The following RNPEP variants were observed in gnomAD, a reference collection of about 807,000 sequenced individuals.
The protein encoded by RNPEP is arginyl aminopeptidase.
RNPEP carries 57 observed loss-of-function variants against 70.1 expected under a neutral mutation model. The observed-to-expected ratio is 0.81, with a 90% confidence interval of 0.66 to 1.01. The LOEUF is 1.01. Among genes scored for constraint, RNPEP ranks in the 50% least tolerant of loss-of-function variants. The probability of loss-of-function intolerance (pLI) is 0.00; values close to 1 mark genes in which losing one functional copy is unlikely to be tolerated. For missense variants in RNPEP, 787 were observed against 852.4 expected (o/e 0.92, Z 0.96); for synonymous variants, 335 against 357.4 (o/e 0.94, Z 0.71).
intron 1 of RNPEP, 113 bp downstream of exon 1, chr1:201,983,226 A>C (rs1683005111): frequency 1.6e-5 from 23 of 1,424,732 alleles, no homozygotes; most frequent in Non-Finnish European, 2.1e-5. Flanking sequence ...ACCCTTCCAG[A>C]GCGTCCCTAG....
intron 3 of RNPEP, among the ~76,000 whole-genome samples, chr1:201,993,141 C>A (rs1398471241): frequency 6.6e-6 from 1 of 152,196 alleles, no homozygotes; most frequent in Non-Finnish European, 1.5e-5. Flanking sequence ...CTGCTTTTAT[C>A]CTTCCGGACT....
chr1:201,999,850 T>A, intron 5 of RNPEP, 52 bp from the exon 6 acceptor site: 1 of 1,430,346 alleles, frequency 7.0e-7, no homozygotes, highest in South Asian at 1.2e-5. Context: ...GAAAATACAC[T>A]TGGATGTGGT....
chr1:201,983,721 A>T (rs1683025542), intron 1 of RNPEP: 1 of 1,140,568 alleles, frequency 8.8e-7, no homozygotes, highest in African/African-American at 1.6e-5. Context: ...TGCTATAAGC[A>T]TTATAATAAT....
chr1:201,983,249 C>T lies in RNPEP; in HGVS notation c.447+136C>T. 3.5e-6 allele frequency: 5 copies of T among 1,432,462 alleles called. No individual in the cohort carries two copies. The South Asian group carries it at 7.5e-5, about 22-fold the overall frequency. 88.7% of individuals were successfully genotyped at this position (1,432,462 alleles called of 1,614,324 possible). A position where few individuals can be genotyped will look rare whatever the true frequency, so the allele number is the denominator to read the frequency against. On this transcript the variant is annotated intron_variant, in intron 1 of 10. Coordinates refer to ENST00000295640, the MANE Select transcript of RNPEP (RefSeq NM_020216.4). ...AGAGCGTCCCTAGAGGGGCCTACTCCCCGCGCGCCGCCTCTAGGCCTCCTC... is the reference window on the plus strand; with the variant it reads ...AGAGCGTCCCTAGAGGGGCCTACTCTCCGCGCGCCGCCTCTAGGCCTCCTC...
intron 1 of RNPEP, 84 bp downstream of exon 1, chr1:201,983,197 G>T: frequency 2.9e-6 from 4 of 1,388,198 alleles, no homozygotes; most frequent in Non-Finnish European, 3.7e-6. Context: ...TACCCCACCC[G>T]GGAGGAGGGA....
At position 201,983,692 on chromosome 1, in the gene RNPEP, G is replaced by T. The variant is rs1416903842; in HGVS notation, c.447+579G>T. On this transcript the variant is annotated intron_variant, in intron 1 of 10. Coordinates refer to ENST00000295640, the MANE Select transcript of RNPEP (RefSeq NM_020216.4). The stretch of plus-strand genomic sequence containing the variant: ...GATTAACGAAAGAATTTGAGTAAAA[G>T]TGAGAACTGGAATTAGGGTGCTATA... 5 of 1,171,708 alleles carry T rather than the reference G, an allele frequency of 4.3e-6. No individual in the cohort carries two copies. In the East Asian group the frequency reaches 3.2e-4, roughly 75 times the overall value. The allele number at this position is 1,171,708 out of a possible 1,614,324, so 72.6% of individuals were successfully genotyped here. A position where few individuals can be genotyped will look rare whatever the true frequency, so the allele number is the denominator to read the frequency against.
chr1:201,984,932 T>A (rs1231715333), intron 1 of RNPEP, among the ~76,000 whole-genome samples: 2 of 148,988 alleles, frequency 1.3e-5, no homozygotes, highest in East Asian at 4.0e-4. Context: ...GTGGCTCACA[T>A]CTGTAATCCC....
At chr1:201,989,605 C>T in intron 3 of RNPEP, 74 bp downstream of exon 3, 2 of 1,538,730 alleles carry the variant, frequency 1.3e-6, no homozygotes, top group Non-Finnish European at 1.8e-6. Flanking sequence ...AGTGGACCTG[C>T]TGGGGGGGTT....
intron 1 of RNPEP, chr1:201,983,472 T>G: frequency 4.4e-6 from 6 of 1,374,930 alleles, no homozygotes; most frequent in Non-Finnish European, 5.8e-6. Flanking sequence ...GATGACCTGT[T>G]GTTCATGCAC....
At chr1:201,999,693 C>T (rs949913515) in intron 5 of RNPEP, among the ~76,000 whole-genome samples, 5 of 152,204 alleles carry the variant, frequency 3.3e-5, no homozygotes, top group Admixed American at 2.6e-4. Flanking sequence ...TTGTAGCCCA[C>T]AGCAACAGGG....
In RNPEP at chr1:202,005,975, G is replaced by T. The variant is rs1401872076; in HGVS notation, c.*259G>T. On this transcript the variant is annotated 3_prime_UTR_variant, in exon 11 of 11. Coordinates refer to ENST00000295640, the MANE Select transcript of RNPEP (RefSeq NM_020216.4). ...GGCTGCAGGCACTGCAGGGCAGCGG[G>T]TATTCTCCTCCCCACCTAAGTCTCT... The T allele has an allele frequency of 2.2e-6, 1 of 458,338 alleles. No homozygotes were observed. Among genetic ancestry groups the T allele is most frequent in the Admixed American group, 3.4e-5 (1 of 29,806 alleles). 28.4% of individuals were successfully genotyped at this position (458,338 alleles called of 1,614,324 possible).
Position 202,004,462 on chromosome 1 carries a change from A to C in RNPEP, c.1760A>C (p.Asp587Ala). Reference protein sequence around the residue: ...QIVLKNDHQEDFWKVKEFLHN... With the variant: ...QIVLKNDHQEAFWKVKEFLHN... ...GTCCTTAAGAACGACCACCAGGAAGATTTCTGGAAAGTGAAGGAGTTCCTG... is the reference window on the plus strand; with the variant it reads ...GTCCTTAAGAACGACCACCAGGAAGCTTTCTGGAAAGTGAAGGAGTTCCTG... Residue 587 changes from aspartate to alanine, a missense_variant, in exon 10 of 11, where the codon GAT becomes GCT. Asp to Ala is a moderately radical substitution (Grantham distance 126). Coordinates refer to ENST00000295640, the MANE Select transcript of RNPEP (RefSeq NM_020216.4). 6.2e-7 allele frequency: 1 copy of C among 1,614,072 alleles called. No homozygotes were observed. Among genetic ancestry groups the C allele is most frequent in the Non-Finnish European group, 8.5e-7 (1 of 1,180,020 alleles).
At chr1:202,002,778 T>TA (rs776034278) in intron 8 of RNPEP, among the ~76,000 whole-genome samples, 9 of 152,208 alleles carry the variant, frequency 5.9e-5, no homozygotes, top group Non-Finnish European at 1.3e-4. Context: ...GTAATCCTCA[T>TA]AACCATCACG....
chr1:202,003,607 C>T (rs972807583), intron 9 of RNPEP, 146 bp downstream of exon 9: 1 of 633,372 alleles, frequency 1.6e-6, no homozygotes. Context: ...GAATGTGCCA[C>T]CGGGAGGTTA....
At chr1:201,989,604 G>T (rs1036483245) in intron 3 of RNPEP, 73 bp downstream of exon 3, 45 of 1,542,430 alleles carry the variant, frequency 2.9e-5, no homozygotes. Context: ...CAGTGGACCT[G>T]CTGGGGGGGT....
At chr1:201,986,770 C>T (rs1221895677) in intron 1 of RNPEP, among the ~76,000 whole-genome samples, 1 of 151,870 alleles carries the variant, frequency 6.6e-6, no homozygotes, top group Non-Finnish European at 1.5e-5. Context: ...GAACTCCCGA[C>T]CTCAGGTGAT....
At chr1:201,984,858 G>C (rs1469271957) in intron 1 of RNPEP, among the ~76,000 whole-genome samples, 1 of 39,616 alleles carries the variant, frequency 2.5e-5, no homozygotes, top group African/African-American at 1.1e-4. Flanking sequence ...TTTTTTTTTT[G>C]AGAAGGGATC....
chr1:201,984,570 C>T (rs11580809), intron 1 of RNPEP, among the ~76,000 whole-genome samples: 83,825 of 151,816 alleles, frequency 0.55, 23,492 homozygotes, highest in Non-Finnish European at 0.6. Context: ...AGCCTGATAA[C>T]ACCACTGCAC....
chr1:201,988,943 A>C lies in RNPEP; in HGVS notation c.487A>C (p.Lys163Gln). The change falls in exon 2 of 11, where the codon AAG becomes CAG. Residue 163 changes from lysine to glutamine, a missense_variant. Coordinates refer to ENST00000295640, the MANE Select transcript of RNPEP (RefSeq NM_020216.4). ...LAPEQTAGKK[K>Q]PFVYTQGQAV... ...TCCCGAGCAGACAGCAGGAAAGAAG[A>C]AGCCCTTCGTGTACACCCAGGGCCA... The C allele has an allele frequency of 1.2e-6, 2 of 1,613,574 alleles. No homozygotes were observed. The highest frequency in any genetic ancestry group is 2.2e-5 in the South Asian group (2 of 90,950).
Sources: allele counts gnomAD v4.1 joint callset (sites outside exome capture counted in the v4.1 genomes callset), GRCh38; gene constraint gnomAD v4.1.1; transcripts MANE v1.5; gene names NCBI Gene and HGNC (gene_info 2026-07-23, HGNC 2026-07-21).